The following ZFHX3 variants were observed in gnomAD, a reference collection of about 807,000 sequenced individuals.
ZFHX3 encodes the protein zinc finger homeobox 3, also known as zinc finger homeobox protein 3.
ZFHX3 carries 42 observed loss-of-function variants against 279.1 expected under a neutral mutation model. The ratio of observed to expected loss-of-function variants is 0.15; its 90% CI spans 0.12 to 0.19. ZFHX3 has a LOEUF of 0.19. Among genes scored for constraint, ZFHX3 ranks in the 10% least tolerant of loss-of-function variants. ZFHX3 has a pLI of 1.00. For synonymous variants in ZFHX3, 2,293 were observed against 1,957.8 expected, an observed-to-expected ratio of 1.17 and a Z score of -4.52; for missense variants, 4,981 against 4,754.0, an observed-to-expected ratio of 1.05 and a Z score of -1.40.
intron 3 of ZFHX3, among the ~76,000 whole-genome samples, chr16:73,324,689 G>A (rs995977228): frequency 6.6e-6 from 1 of 152,178 alleles, no homozygotes; most frequent in Admixed American, 6.5e-5. Context: ...GGGAGTATTA[G>A]GCTTCAGAAA....
intron 8 of ZFHX3, chr16:73,092,234 T>G (rs1270363311): frequency 6.6e-6 from 1 of 152,178 alleles, no homozygotes; most frequent in African/African-American, 2.4e-5. Flanking sequence ...GTTGATGGTA[T>G]GAAGATACCA....
At chr16:72,937,196 A>T (rs1960170971) in intron 3 of ZFHX3, among the ~76,000 whole-genome samples, 1 of 152,162 alleles carries the variant, frequency 6.6e-6, no homozygotes, top group Non-Finnish European at 1.5e-5. Context: ...GAAGAGGCCT[A>T]GGCTAGGGAC....
At chr16:73,070,074 A>G (rs1030413897) in intron 8 of ZFHX3, among the ~76,000 whole-genome samples, 1 of 152,138 alleles carries the variant, frequency 6.6e-6, no homozygotes, top group Non-Finnish European at 1.5e-5. Flanking sequence ...GTTTTGCTTG[A>G]GAATCCTTTC....
At chr16:73,120,147 G>C (rs990889534) in intron 7 of ZFHX3, among the ~76,000 whole-genome samples, 3 of 152,006 alleles carry the variant, frequency 2.0e-5, no homozygotes, top group Non-Finnish European at 4.4e-5. Context: ...GGCTCTTTCT[G>C]TCCCTGATCT....
chr16:72,857,289 T>G (rs1236727071), intron 4 of ZFHX3, among the ~76,000 whole-genome samples: 2 of 152,220 alleles, frequency 1.3e-5, no homozygotes, highest in African/African-American at 4.8e-5. Flanking sequence ...GCTAACCAAA[T>G]CACAAGGTAA....
At chr16:73,349,624 TCCTCCCTC>T (rs1303208320) in intron 3 of ZFHX3, among the ~76,000 whole-genome samples, 15 of 47,544 alleles carry the variant, frequency 3.2e-4, no homozygotes, top group African/African-American at 1.1e-3. Flanking sequence ...CTCCCTCCCT[TCCTCCCTC>T]CCTCCCTCCC....
intron 1 of ZFHX3, among the ~76,000 whole-genome samples, chr16:73,721,039 T>C (rs2053468799): frequency 6.6e-6 from 1 of 152,242 alleles, no homozygotes; most frequent in African/African-American, 2.4e-5. Flanking sequence ...TGAATTTGAA[T>C]GCTTCTGGGC....
At chr16:73,751,527 A>ATGTG (rs151328978) in intron 1 of ZFHX3, among the ~76,000 whole-genome samples, 1 of 145,650 alleles carries the variant, frequency 6.9e-6, no homozygotes, top group South Asian at 2.3e-4. Context: ...ATATGTGTTT[A>ATGTG]TGTGTGTGTG....
intron 2 of ZFHX3, among the ~76,000 whole-genome samples, chr16:73,511,163 G>T (rs1292536602): frequency 1.3e-5 from 2 of 152,194 alleles, no homozygotes; most frequent in Non-Finnish European, 1.5e-5. Flanking sequence ...TTTATTATCT[G>T]GGTAAAGAGC....
chr16:73,443,417 C>T (rs2018129921), intron 3 of ZFHX3, among the ~76,000 whole-genome samples: 1 of 152,220 alleles, frequency 6.6e-6, no homozygotes, highest in African/African-American at 2.4e-5. Context: ...CTAGATCTTT[C>T]ATGCAAAGTT....
chr16:72,927,633 G>T (rs553101811), intron 3 of ZFHX3, among the ~76,000 whole-genome samples: 2 of 152,254 alleles, frequency 1.3e-5, no homozygotes, highest in Admixed American at 6.5e-5. Context: ...TCCCAGCATG[G>T]CACTGGGGCT....
At chr16:72,991,906 G>A (rs1205652983) in intron 1 of ZFHX3, among the ~76,000 whole-genome samples, 3 of 152,214 alleles carry the variant, frequency 2.0e-5, no homozygotes, top group African/African-American at 7.2e-5. Context: ...GCACGAGCCT[G>A]TGATTCCTCA....
intron 1 of ZFHX3, among the ~76,000 whole-genome samples, chr16:73,682,719 G>A (rs537481127): frequency 1.3e-5 from 2 of 151,502 alleles, no homozygotes; most frequent in South Asian, 2.1e-4. Flanking sequence ...CCCAGGAGGT[G>A]GAGGTTGCAG....
chr16:73,832,396 A>G (rs1961021957), intron 1 of ZFHX3, among the ~76,000 whole-genome samples: 1 of 152,224 alleles, frequency 6.6e-6, no homozygotes, highest in Non-Finnish European at 1.5e-5. Context: ...TAGTAGCTTA[A>G]GAAACAGTAC....
Position 73,210,425 on chromosome 16 carries a change from TA to T in ZFHX3, c.-1104+46621del, listed in dbSNP as rs537799998. ...AAAATATAAATATATATTTTGGGGG[TA>T]AAAAAAATCCATTAAATTTTTTGAT... On this transcript the variant is annotated intron_variant, in intron 5 of 17. Coordinates refer to the ZFHX3 transcript ENST00000641206. Among the ~76,000 whole-genome samples, 961 of 152,040 alleles carry T rather than the reference TA, an allele frequency of 6.3e-3. 21 individuals are homozygous for T. The highest frequency in any genetic ancestry group is 0.022 in the African/African-American group (915 of 41,500).
In ZFHX3 at chr16:72,798,354, G is replaced by A. The variant is rs1469935118; in HGVS notation, c.4328C>T (p.Ala1443Val). 8.1e-6 allele frequency: 13 copies of A among 1,614,098 alleles called. No individual in the cohort carries two copies. The Admixed American group carries it at 1.3e-4, about 17-fold the overall frequency. ...LCQRSFRTFQALKKHLETSHL... is the reference protein window; with the variant it reads ...LCQRSFRTFQVLKKHLETSHL... ...GCTTGTCTCAAGGTGCTTCTTCAGAGCCTGGAAAGTTCGGAAACTGCGCTG... is the reference window on the plus strand; with the variant it reads ...GCTTGTCTCAAGGTGCTTCTTCAGAACCTGGAAAGTTCGGAAACTGCGCTG... Residue 1443 changes from alanine (A) to valine (V), a missense_variant, in exon 9 of 10, where the codon GCT (alanine) becomes GTT (valine). Coordinates refer to ENST00000268489, the MANE Select transcript of ZFHX3 (RefSeq NM_006885.4).
chr16:73,196,951 G>T (rs906827902), intron 5 of ZFHX3, among the ~76,000 whole-genome samples: 1 of 152,128 alleles, frequency 6.6e-6, no homozygotes, highest in Non-Finnish European at 1.5e-5. Flanking sequence ...TATTGACATG[G>T]TGACCCCTAG....
At chr16:73,787,814 A>AGT (rs72236616) in intron 1 of ZFHX3, among the ~76,000 whole-genome samples, 19,486 of 137,846 alleles carry the variant, frequency 0.14, 1,675 homozygotes, top group East Asian at 0.25. Context: ...GTTTTCTTAA[A>AGT]GTGTGTGTGT....
At chr16:73,544,256 T>C (rs1156454436) in intron 2 of ZFHX3, among the ~76,000 whole-genome samples, 1 of 152,176 alleles carries the variant, frequency 6.6e-6, no homozygotes, top group East Asian at 1.9e-4. Context: ...TCGCCACAAA[T>C]GCATGTGTCG....
Sources: allele counts gnomAD v4.1 joint callset (sites outside exome capture counted in the v4.1 genomes callset), GRCh38; gene constraint gnomAD v4.1.1; transcripts MANE v1.5; gene names NCBI Gene and HGNC (gene_info 2026-07-23, HGNC 2026-07-21).